DPP8: variants seen among roughly 807,000 people sequenced by gnomAD.
DPP8 encodes dipeptidyl peptidase 8, also known as DPP VIII.
Under a neutral mutation model 107.5 loss-of-function variants are expected in DPP8, and 31 were observed. That is an observed-to-expected ratio of 0.29 (90% CI 0.22 to 0.39). DPP8 has a LOEUF of 0.39. DPP8 is among the 10% of genes least tolerant of loss of function. The probability of loss-of-function intolerance (pLI) is 1.00; values close to 1 mark genes in which losing one functional copy is unlikely to be tolerated. For synonymous variants in DPP8, 381 were observed against 356.6 expected (o/e 1.07, Z -0.77); for missense variants, 842 against 1,076.1 (o/e 0.78, Z 3.04).
chr15:65,484,489 AG>A (rs2067219359), intron 8 of DPP8, among the ~76,000 whole-genome samples: 2 of 152,084 alleles, frequency 1.3e-5, no homozygotes, highest in Admixed American at 6.6e-5. Flanking sequence ...TGAATTTTAA[AG>A]TTTAAATAAA....
chr15:65,464,410 G>A (rs1462280599), intron 14 of DPP8, among the ~76,000 whole-genome samples: 3 of 151,812 alleles, frequency 2.0e-5, no homozygotes, highest in East Asian at 1.9e-4. Context: ...GGCCAGGCAC[G>A]GTGGCTCACA....
chr15:65,453,236 G>A (rs936337131), intron 17 of DPP8, among the ~76,000 whole-genome samples: 1 of 152,144 alleles, frequency 6.6e-6, no homozygotes. Context: ...AAGATACAAT[G>A]GTGTACAGGG....
intron 1 of DPP8, chr15:65,515,694 C>G (rs1567312813): frequency 6.2e-7 from 1 of 1,613,794 alleles, no homozygotes; most frequent in Non-Finnish European, 8.5e-7. Context: ...CTTCCACATT[C>G]AAAGAGATCT....
chr15:65,505,116 G>C (rs1567282320), intron 3 of DPP8, among the ~76,000 whole-genome samples: 1 of 152,146 alleles, frequency 6.6e-6, no homozygotes, highest in African/African-American at 2.4e-5. Context: ...AGCACTTTGG[G>C]AGGCCGAGGC....
intron 3 of DPP8, among the ~76,000 whole-genome samples, chr15:65,505,159 T>A (rs1335806789): frequency 3.3e-5 from 5 of 151,666 alleles, no homozygotes; most frequent in Non-Finnish European, 5.9e-5. Context: ...ATTGAGACTA[T>A]CCTGCCTAAC....
chr15:65,494,831 C>T (rs1363963341), intron 5 of DPP8, among the ~76,000 whole-genome samples: 1 of 152,042 alleles, frequency 6.6e-6, no homozygotes, highest in Admixed American at 6.6e-5. Flanking sequence ...TACTCCATCC[C>T]CTTTTCTCTA....
chr15:65,488,603 C>CAAAAAAAAAA (rs1166493197), intron 6 of DPP8, among the ~76,000 whole-genome samples: 12 of 45,274 alleles, frequency 2.7e-4, no homozygotes, highest in African/African-American at 1.0e-3. Flanking sequence ...GACCCTGCCT[C>CAAAAAAAAAA]AAAAAAAAAA....
At chr15:65,503,953 G>A (rs1341321114) in intron 3 of DPP8, among the ~76,000 whole-genome samples, 9 of 151,978 alleles carry the variant, frequency 5.9e-5, no homozygotes, top group Admixed American at 5.9e-4. Context: ...GTAGAGATGA[G>A]GTTTCACCAT....
chr15:65,472,560 A>G (rs2065983614), intron 12 of DPP8, among the ~76,000 whole-genome samples: 1 of 152,144 alleles, frequency 6.6e-6, no homozygotes, highest in Non-Finnish European at 1.5e-5. Flanking sequence ...TTCATCTCCC[A>G]AAGGGCTGGA....
At chr15:65,505,995 T>A (rs57690615) in intron 3 of DPP8, among the ~76,000 whole-genome samples, 119 of 151,660 alleles carry the variant, frequency 7.8e-4, no homozygotes, top group African/African-American at 2.8e-3. Context: ...TTTTTTTTTT[T>A]AATTTCTATG....
chr15:65,458,321 C>T (rs1462905626), intron 15 of DPP8, among the ~76,000 whole-genome samples: 5 of 152,154 alleles, frequency 3.3e-5, no homozygotes, highest in Non-Finnish European at 5.9e-5. Flanking sequence ...AGTGCAATGG[C>T]GTGATCTCGG....
chr15:65,474,246 C>T lies in DPP8; in HGVS notation c.1499G>A (p.Ser500Asn). The T allele has an allele frequency of 6.2e-7, 1 of 1,612,938 alleles. No homozygotes were observed. Among genetic ancestry groups the T allele is most frequent in the Non-Finnish European group, 8.5e-7 (1 of 1,178,956 alleles). ...CCGGCCAAGAACTTCCCATTCACCA[C>T]TGGTAATTGCTATCTCCTCTTTGAT... ...CPIKEEIAIT[S>N]GEWEVLGRHG... The change falls in exon 12 of 20, where the codon AGT (serine) becomes AAT (asparagine). Residue 500 changes from serine to asparagine, a missense_variant. By Grantham distance (46) the Ser-to-Asn change is conservative. This residue lies in a region of DPP8 where 663 missense variants were observed against 758.0 expected (regional missense o/e 0.87). Transcript: ENST00000300141.
rs916194274 is a variant in DPP8 at position 65,467,036 on chromosome 15, T to C, written c.1689+35A>G. 10 of 1,610,388 alleles carry C rather than the reference T, an allele frequency of 6.2e-6. No individual in the cohort carries two copies. In the African/African-American group the frequency reaches 1.2e-4, roughly 19 times the overall value. ...GTATTACATAAGCAGAGAGTTTTAATATGACACAAAACCCTTTTTAAACAA... is the reference window on the plus strand; with the variant it reads ...GTATTACATAAGCAGAGAGTTTTAACATGACACAAAACCCTTTTTAAACAA... On this transcript the variant is annotated intron_variant, in intron 13 of 19. Coordinates refer to ENST00000300141, the MANE Select transcript of DPP8 (RefSeq NM_130434.5).
Position 65,474,989 on chromosome 15 carries a change from G to A in DPP8, c.1457-701C>T, listed in dbSNP as rs371430646. On this transcript the variant is annotated intron_variant, in intron 11 of 19. Coordinates refer to ENST00000300141, the MANE Select transcript of DPP8 (RefSeq NM_130434.5). ...TTTGGTTAGACAAAGAAGTCTAATG[G>A]ATTGACAAAGCATTTCTTTTCGTTG... Among the ~76,000 whole-genome samples the A allele has an allele frequency of 1.2e-4, 19 of 152,278 alleles. No individual in the cohort carries two copies. The East Asian group carries it at 2.5e-3, about 20-fold the overall frequency.
chr15:65,487,973 C>T (rs1333122151), intron 6 of DPP8, among the ~76,000 whole-genome samples, 155 bp from the exon 7 acceptor site: 1 of 152,058 alleles, frequency 6.6e-6, no homozygotes, highest in Admixed American at 6.5e-5. Flanking sequence ...CTAGTCTTTG[C>T]AGTAGCAAGG....
chr15:65,471,029 G>C lies in DPP8; in HGVS notation c.1536+3180C>G, dbSNP rs572770848. Among the ~76,000 whole-genome samples, 4 of 152,252 alleles carry C rather than the reference G, an allele frequency of 2.6e-5. No individual in the cohort carries two copies. In the East Asian group the frequency reaches 7.7e-4, roughly 29 times the overall value. On this transcript the variant is annotated intron_variant, in intron 12 of 19. Coordinates refer to ENST00000300141, the MANE Select transcript of DPP8 (RefSeq NM_130434.5). ...ATAAACGTAGTGGCAAGTAGTAGAT[G>C]TTTAGGTGACTCAAATAAGGATCAG...
intron 5 of DPP8, 34 bp downstream of exon 5, chr15:65,497,829 GT>G: frequency 7.2e-7 from 1 of 1,398,588 alleles, no homozygotes; most frequent in Non-Finnish European, 9.5e-7. Context: ...AAAAAATACT[GT>G]TCAGAAAAGT....
chr15:65,489,664 T>G (rs972815325), intron 6 of DPP8, among the ~76,000 whole-genome samples: 2 of 150,730 alleles, frequency 1.3e-5, no homozygotes, highest in Admixed American at 1.3e-4. Context: ...GTGATCCACC[T>G]GCCTCAGCCT....
chr15:65,498,140 G>A, intron 4 of DPP8, 108 bp from the exon 5 acceptor site: 1 of 843,134 alleles, frequency 1.2e-6, no homozygotes, highest in South Asian at 3.1e-5. Flanking sequence ...TCAACAATGA[G>A]GCCGGGCGTG....
Sources: allele counts gnomAD v4.1 joint callset (sites outside exome capture counted in the v4.1 genomes callset), GRCh38; gene constraint gnomAD v4.1.1; regional missense constraint gnomAD v4.1.1; transcripts MANE v1.5; gene names NCBI Gene and HGNC (gene_info 2026-07-23, HGNC 2026-07-21).